Variants in DLG2 observed in about 807,000 individuals in gnomAD.
DLG2 encodes discs large MAGUK scaffold protein 2.
In DLG2, 45 loss-of-function variants were observed where a neutral mutation model predicts 132.5. That is an observed-to-expected ratio of 0.34 (90% CI 0.27 to 0.44). The LOEUF (loss-of-function observed/expected upper bound fraction) is 0.44. DLG2 is among the 20% of genes least tolerant of loss of function. The pLI is 1.00. For synonymous variants in DLG2, 424 were observed against 419.6 expected (o/e 1.01, Z -0.13); for missense variants, 1,045 against 1,196.9 (o/e 0.87, Z 1.87).
At chr11:83,764,512 G>A (rs546096896) in intron 18 of DLG2, among the ~76,000 whole-genome samples, 1 of 152,210 alleles carries the variant, frequency 6.6e-6, no homozygotes, top group African/African-American at 2.4e-5. Context: ...TGGTGGTGAG[G>A]TTGGATGGGA....
At chr11:83,889,170 A>T (rs1208337391) in intron 15 of DLG2, among the ~76,000 whole-genome samples, 1 of 152,134 alleles carries the variant, frequency 6.6e-6, no homozygotes, top group Non-Finnish European at 1.5e-5. Flanking sequence ...TGAACAGGAA[A>T]CCTACAAAAT....
chr11:84,376,945 A>C (rs1272051422), intron 7 of DLG2, among the ~76,000 whole-genome samples: 1 of 152,038 alleles, frequency 6.6e-6, no homozygotes, highest in East Asian at 1.9e-4. Flanking sequence ...AAAAAATGTT[A>C]AAAGGCAACA....
chr11:83,846,376 A>C (rs969446777), intron 16 of DLG2, among the ~76,000 whole-genome samples: 5 of 152,214 alleles, frequency 3.3e-5, no homozygotes, highest in Non-Finnish European at 7.3e-5. Context: ...AAGACATTGA[A>C]TGTTTGTGTA....
At chr11:84,459,010 G>C (rs1339254508) in intron 7 of DLG2, among the ~76,000 whole-genome samples, 1 of 150,538 alleles carries the variant, frequency 6.6e-6, no homozygotes, top group African/African-American at 2.4e-5. Flanking sequence ...ACATATCCAA[G>C]GTTATACACC....
At chr11:85,118,177 T>C (rs552809437) in intron 5 of DLG2, among the ~76,000 whole-genome samples, 39 of 152,214 alleles carry the variant, frequency 2.6e-4, no homozygotes, top group African/African-American at 9.4e-4. Flanking sequence ...TGGCCTAATT[T>C]GTTTCTGAGG....
intron 3 of DLG2, among the ~76,000 whole-genome samples, chr11:85,585,334 G>T (rs536352526): frequency 6.6e-6 from 1 of 152,228 alleles, no homozygotes; most frequent in East Asian, 1.9e-4. Flanking sequence ...TTATTTCTGG[G>T]TTCTCTGTTC....
intron 6 of DLG2, chr11:84,640,510 T>G: frequency 2.5e-6 from 1 of 403,008 alleles, no homozygotes. Flanking sequence ...ATCAGAAAAC[T>G]TTTGGATGGT....
At chr11:84,889,752 C>T (rs982233648) in intron 6 of DLG2, among the ~76,000 whole-genome samples, 3 of 152,292 alleles carry the variant, frequency 2.0e-5, no homozygotes, top group African/African-American at 7.2e-5. Context: ...TGTTACCCAT[C>T]ATGCTGAGGG....
At chr11:83,556,891 G>C (rs1241592966) in intron 19 of DLG2, among the ~76,000 whole-genome samples, 1 of 152,180 alleles carries the variant, frequency 6.6e-6, no homozygotes, top group African/African-American at 2.4e-5. Flanking sequence ...GAGGTAAAAG[G>C]CATTCAGGCT....
rs192181852 is a variant in DLG2 at position 85,096,267 on chromosome 11, T to A, written c.357+15394A>T. ...TTCCAGGCTGTGGAAGCTTTGTTCT[T>A]TCGCTCTTCACAATAAATCTTGCTG... On this transcript the variant is annotated intron_variant, in intron 6 of 27. Coordinates refer to ENST00000376104, the MANE Select transcript of DLG2 (RefSeq NM_001142699.3). 2.3e-3 allele frequency among the ~76,000 whole-genome samples: 352 copies of A among 152,254 alleles called. 1 individual carries two copies. Among genetic ancestry groups the A allele is most frequent in the African/African-American group, 8.2e-3 (339 of 41,548 alleles).
chr11:83,836,403 G>A (rs1405449266), intron 16 of DLG2, among the ~76,000 whole-genome samples: 1 of 152,080 alleles, frequency 6.6e-6, no homozygotes, highest in Non-Finnish European at 1.5e-5. Context: ...ATCAACTGGG[G>A]CCTCTCTCAG....
intron 11 of DLG2, among the ~76,000 whole-genome samples, chr11:84,015,664 C>A (rs1438128288): frequency 8.5e-5 from 13 of 152,104 alleles, no homozygotes; most frequent in Admixed American, 8.5e-4. Context: ...TGTTAGTTTG[C>A]TGAAAATAAT....
intron 6 of DLG2, among the ~76,000 whole-genome samples, chr11:84,647,361 AC>A (rs1466436872): frequency 6.6e-6 from 1 of 152,166 alleles, no homozygotes; most frequent in Non-Finnish European, 1.5e-5. Flanking sequence ...TTCTTATAAA[AC>A]AACTGATAAT....
intron 18 of DLG2, among the ~76,000 whole-genome samples, chr11:83,676,789 C>T (rs1303169112): frequency 6.6e-6 from 1 of 152,098 alleles, no homozygotes; most frequent in Non-Finnish European, 1.5e-5. Context: ...ACTGTCATGG[C>T]TGAGAAGGAA....
intron 6 of DLG2, among the ~76,000 whole-genome samples, chr11:85,042,548 C>T (rs1353814153): frequency 1.3e-5 from 2 of 151,908 alleles, no homozygotes; most frequent in African/African-American, 4.8e-5. Flanking sequence ...GACAAATGAC[C>T]TAGTCTAACA....
intron 3 of DLG2, among the ~76,000 whole-genome samples, chr11:85,498,098 A>G (rs1425298482): frequency 3.9e-5 from 6 of 152,218 alleles, no homozygotes; most frequent in Admixed American, 2.0e-4. Flanking sequence ...TTAAATGTAA[A>G]TGGGCTAAAT....
chr11:85,049,158 G>T (rs574651269), intron 6 of DLG2, among the ~76,000 whole-genome samples: 2 of 151,966 alleles, frequency 1.3e-5, no homozygotes, highest in Non-Finnish European at 2.9e-5. Flanking sequence ...GTATGTCAAA[G>T]TTCATAGACT....
intron 16 of DLG2, among the ~76,000 whole-genome samples, chr11:83,857,580 T>C (rs937529175): frequency 6.6e-6 from 1 of 152,196 alleles, no homozygotes. Flanking sequence ...AGGGAAACTA[T>C]TTTGTATGAC....
intron 3 of DLG2, among the ~76,000 whole-genome samples, chr11:85,497,571 C>G (rs182560820): frequency 3.3e-4 from 50 of 152,182 alleles, no homozygotes; most frequent in Non-Finnish European, 6.2e-4. Flanking sequence ...TCAGGAAATA[C>G]AGAGAACACC....
Sources: gnomAD v4.1 joint callset for allele counts (sites outside exome capture counted in the v4.1 genomes callset) on GRCh38, gnomAD v4.1.1 for gene constraint, MANE v1.5 for transcripts, NCBI Gene and HGNC (gene_info 2026-07-23, HGNC 2026-07-21) for gene names.